The following ALDH16A1 variants were observed in gnomAD, a reference collection of about 807,000 sequenced individuals.
The protein encoded by ALDH16A1 is aldehyde dehydrogenase family 16 member A1.
Under a neutral mutation model 96.1 loss-of-function variants are expected in ALDH16A1, and 88 were observed. That is an observed-to-expected ratio of 0.92 (90% confidence interval 0.77 to 1.09). ALDH16A1 has a LOEUF of 1.09. ALDH16A1 is among the 50% of genes least tolerant of loss of function. ALDH16A1 has a pLI of 0.00. For synonymous variants in ALDH16A1, 522 were observed against 496.4 expected, an observed-to-expected ratio of 1.05 and a Z score of -0.69; for missense variants, 1,250 against 1,112.6, an observed-to-expected ratio of 1.12 and a Z score of -1.76.
rs765055581 is a variant in ALDH16A1, at chr19:49,462,651, A to G, written c.994A>G (p.Ser332Gly). ...RLQERMGRLRSGRGLDGAVDM... is the reference protein window; with the variant it reads ...RLQERMGRLRGGRGLDGAVDM... ...GCAGGAGCGGATGGGGCGGCTTCGGAGTGGCCGAGGGCTGGATGGGGCCGT... is the reference window on the plus strand; with the variant it reads ...GCAGGAGCGGATGGGGCGGCTTCGGGGTGGCCGAGGGCTGGATGGGGCCGT... Residue 332 changes from serine (S) to glycine (G), a missense_variant, in exon 8 of 17, where the codon AGT becomes GGT. Coordinates refer to ENST00000293350, the MANE Select transcript of ALDH16A1 (RefSeq NM_153329.4). 2 of 1,612,122 alleles carry G rather than the reference A, an allele frequency of 1.2e-6. No homozygotes were observed. The highest frequency in any genetic ancestry group is 1.7e-6 in the Non-Finnish European group (2 of 1,179,842).
chr19:49,465,281 G>A (rs1312211928), intron 12 of ALDH16A1, among the ~76,000 whole-genome samples: 3 of 150,258 alleles, frequency 2.0e-5, no homozygotes, highest in Admixed American at 2.0e-4. Context: ...GGGCTCATGG[G>A]AACAGGAATT....
chr19:49,463,858 T>C lies in ALDH16A1; in HGVS notation c.1103T>C (p.Phe368Ser), dbSNP rs2079174496. ...REAQSQGAQVFQAGDVPSERP... is the reference protein window; with the variant it reads ...REAQSQGAQVSQAGDVPSERP... ...CTAGATCATTTCTCTCCCTAGGTGTTCCAGGCTGGTGATGTGCCTTCGGAA... is the reference window on the plus strand; with the variant it reads ...CTAGATCATTTCTCTCCCTAGGTGTCCCAGGCTGGTGATGTGCCTTCGGAA... Residue 368 changes from phenylalanine to serine, a missense_variant, in exon 9 of 17, where the codon TTC (phenylalanine) becomes TCC (serine). Phe to Ser is a radical substitution (Grantham distance 155). Coordinates refer to ENST00000293350, the MANE Select transcript of ALDH16A1 (RefSeq NM_153329.4). 1.2e-6 allele frequency: 2 copies of C among 1,613,016 alleles called. No individual in the cohort carries two copies. The highest frequency in any genetic ancestry group is 1.7e-6 in the Non-Finnish European group (2 of 1,179,390).
chr19:49,454,029 T>G (rs2335184), intron 1 of ALDH16A1, among the ~76,000 whole-genome samples: 54 of 60,314 alleles, frequency 9.0e-4, no homozygotes, highest in African/African-American at 1.4e-3. Context: ...GGTTTTTTTT[T>G]TGTTTTTTTT....
chr19:49,453,640 T>C (rs1227160726), intron 1 of ALDH16A1: 1 of 506,950 alleles, frequency 2.0e-6, no homozygotes, highest in Non-Finnish European at 3.6e-6. Flanking sequence ...CCACTGGTTC[T>C]CTTGCCCCTT....
rs1014899372 is a variant in ALDH16A1, at chr19:49,468,032, T to C, written c.1939-349T>C. ...AAAATTAGCCGGGCATGGTGGCAGGTGCCTGTAGTCTCAGCTACTCAGGAG... is the reference window on the plus strand; with the variant it reads ...AAAATTAGCCGGGCATGGTGGCAGGCGCCTGTAGTCTCAGCTACTCAGGAG... On this transcript the variant is annotated intron_variant, in intron 14 of 16. Transcript: ENST00000293350. This position sits in a 1 kb window ranked among gnomAD's most constrained non-coding sequence, Gnocchi z 4.4. 6.7e-5 allele frequency among the ~76,000 whole-genome samples: 10 copies of C among 149,904 alleles called. No individual in the cohort carries two copies. The highest frequency in any genetic ancestry group is 6.0e-4 in the Admixed American group (9 of 15,022).
In ALDH16A1 at chr19:49,459,601, A is replaced by G. The variant is rs2079125705; in HGVS notation, c.321-69A>G. The G allele has an allele frequency of 5.2e-5, 78 of 1,499,568 alleles. No individual in the cohort carries two copies. In the South Asian group the frequency reaches 1.0e-3, roughly 20 times the overall value. The allele number at this position is 1,499,568 out of a possible 1,614,324, so 92.9% of individuals were successfully genotyped here. On this transcript the variant is annotated intron_variant, in intron 3 of 16. Coordinates refer to ENST00000293350, the MANE Select transcript of ALDH16A1 (RefSeq NM_153329.4). The surrounding 1 kb of genome is among the most constrained non-coding windows in gnomAD (Gnocchi z 4.1). Reference sequence around the variant, plus strand: ...CATGGGGATTGTAGTCCAGGTATATAGGAGCAGCCCAGGACTCTGCAAGGC... The same window carrying G: ...CATGGGGATTGTAGTCCAGGTATATGGGAGCAGCCCAGGACTCTGCAAGGC...
At chr19:49,454,626 C>A (rs1343008689) in intron 1 of ALDH16A1, among the ~76,000 whole-genome samples, 1 of 152,134 alleles carries the variant, frequency 6.6e-6, no homozygotes, top group African/African-American at 2.4e-5. Context: ...CCCCCAGGGT[C>A]CCCCAGCACC....
In ALDH16A1 at chr19:49,462,778, G is replaced by A. The variant is rs542077484; in HGVS notation, c.1098+23G>A. On this transcript the variant is annotated intron_variant, in intron 8 of 16. Transcript: ENST00000293350. ...CAGGTGAGGCAGGGGGTAGAGACTT[G>A]AGGGTGTCAGGGGAGGAGGGGCCTG... 5 of 1,534,710 alleles carry A rather than the reference G, an allele frequency of 3.3e-6. No individual in the cohort carries two copies. The African/African-American group carries it at 7.0e-5, about 22-fold the overall frequency.
In ALDH16A1 at chr19:49,468,349, C is replaced by G. The variant is rs1446061397; in HGVS notation, c.1939-32C>G. The G allele has an allele frequency of 2.5e-6, 4 of 1,589,356 alleles. No individual in the cohort carries two copies. Among genetic ancestry groups the G allele is most frequent in the Non-Finnish European group, 3.4e-6 (4 of 1,174,840 alleles). On this transcript the variant is annotated intron_variant, in intron 14 of 16. Transcript: ENST00000293350. The surrounding 1 kb of genome is among the most constrained non-coding windows in gnomAD (Gnocchi z 4.4). ...CTCATTTACTGCGGGCGGGGCTCCC[C>G]TGCCCCACACGTGACCCACCTGTCC...
At position 49,464,123 on chromosome 19, in the gene ALDH16A1, G is replaced by C. The variant is rs770986242; in HGVS notation, c.1195-4G>C. On this transcript the variant is annotated splice_polypyrimidine_tract_variant and splice_region_variant and intron_variant, in intron 9 of 16. Coordinates refer to ENST00000293350, the MANE Select transcript of ALDH16A1 (RefSeq NM_153329.4). ...GGGCTGAGCCTCCCGGTCACCCCTT[G>C]CAGGTGCCGTGGCCTGTGGTCGTGG... The C allele has an allele frequency of 6.2e-6, 10 of 1,606,946 alleles. No homozygotes were observed. The Admixed American group carries it at 1.7e-4, about 27-fold the overall frequency.
chr19:49,458,890 A>T (rs2079120743), intron 2 of ALDH16A1, 70 bp from the exon 3 acceptor site: 7 of 1,561,724 alleles, frequency 4.5e-6, no homozygotes, highest in Non-Finnish European at 6.1e-6. Context: ...CAGGCTCCGA[A>T]AATCTCAGCC....
At chr19:49,464,558 C>A in intron 11 of ALDH16A1, 36 bp downstream of exon 11, 2 of 1,613,120 alleles carry the variant, frequency 1.2e-6, no homozygotes, top group Non-Finnish European at 1.7e-6. Context: ...AGCCCCCCCG[C>A]CGCCCCATGC....
At chr19:49,466,457 G>A (rs1213154095) in intron 14 of ALDH16A1, among the ~76,000 whole-genome samples, 174 bp downstream of exon 14, 1 of 152,208 alleles carries the variant, frequency 6.6e-6, no homozygotes, top group African/African-American at 2.4e-5. Context: ...TGTACAGTGA[G>A]TGGGCACACA....
intron 1 of ALDH16A1, among the ~76,000 whole-genome samples, chr19:49,454,170 G>A (rs777374159): frequency 4.6e-5 from 7 of 151,800 alleles, no homozygotes; most frequent in East Asian, 1.9e-4. Flanking sequence ...CCAGAGACGC[G>A]CGCCACCACT....
intron 1 of ALDH16A1, among the ~76,000 whole-genome samples, chr19:49,454,064 G>C (rs907677807): frequency 7.6e-6 from 1 of 131,128 alleles, no homozygotes; most frequent in African/African-American, 2.9e-5. Flanking sequence ...TCACTCTGTC[G>C]CCCAAACTGA....
rs939040870 is a variant in ALDH16A1 at position 49,468,617 on chromosome 19, G to A, written c.2124+51G>A. Reference sequence around the variant, plus strand: ...TCCTCCCCGTAGCCTCAGGGCAGCAGAAAAAGGCGCCCCAAAGTCGGCAGG... The same window carrying A: ...TCCTCCCCGTAGCCTCAGGGCAGCAAAAAAAGGCGCCCCAAAGTCGGCAGG... On this transcript the variant is annotated intron_variant, in intron 15 of 16. Coordinates refer to ENST00000293350, the MANE Select transcript of ALDH16A1 (RefSeq NM_153329.4). This position sits in a 1 kb window ranked among gnomAD's most constrained non-coding sequence, Gnocchi z 4.4. The A allele has an allele frequency of 1.3e-5, 20 of 1,578,038 alleles. No homozygotes were observed. Among genetic ancestry groups the A allele is most frequent in the Non-Finnish European group, 1.6e-5 (19 of 1,166,792 alleles).
intron 5 of ALDH16A1, 80 bp downstream of exon 5, chr19:49,460,979 A>G (rs1293397427): frequency 2.9e-5 from 43 of 1,464,672 alleles, no homozygotes; most frequent in Non-Finnish European, 4.0e-5. Context: ...AGAGTCTGAG[A>G]GACAAGGGGG....
intron 1 of ALDH16A1, 33 bp downstream of exon 1, chr19:49,453,454 C>T: frequency 2.0e-6 from 3 of 1,504,492 alleles, no homozygotes; most frequent in Non-Finnish European, 1.8e-6. Context: ...CTGCTCGCTG[C>T]GTTCCCCAGG....
In ALDH16A1 at chr19:49,453,446, G is replaced by C. The variant is rs748275500; in HGVS notation, c.90+25G>C. On this transcript the variant is annotated intron_variant, in intron 1 of 16. Transcript: ENST00000293350. The stretch of plus-strand genomic sequence containing the variant: ...GGTGAGAGTCTGCCCGGCCGGCGCT[G>C]CTCGCTGCGTTCCCCAGGCCTGGGC... 5.3e-6 allele frequency: 8 copies of C among 1,509,626 alleles called. No individual in the cohort carries two copies. In the African/African-American group the frequency reaches 9.6e-5, roughly 18 times the overall value. 93.5% of individuals were successfully genotyped at this position (1,509,626 alleles called of 1,614,324 possible).
Sources: gnomAD v4.1 joint callset for allele counts (sites outside exome capture counted in the v4.1 genomes callset) on GRCh38, gnomAD v4.1.1 for gene constraint, Gnocchi (gnomAD v3.1) non-coding constraint, MANE v1.5 for transcripts, NCBI Gene and HGNC (gene_info 2026-07-23, HGNC 2026-07-21) for gene names.